The following ZNF704 variants were observed in gnomAD, a reference collection of about 807,000 sequenced individuals.
ZNF704 encodes the protein zinc finger protein 704.
A neutral mutation model predicts 44.7 loss-of-function variants in ZNF704; 10 were observed. The observed-to-expected ratio is 0.22, with a 90% CI of 0.14 to 0.38. The LOEUF (loss-of-function observed/expected upper bound fraction) is 0.38, where lower values mean the gene tolerates loss of function less well. Ranked by LOEUF, ZNF704 falls within the 10% of genes least tolerant of loss-of-function variation. The pLI, the probability that ZNF704 is intolerant of heterozygous loss-of-function variation, is 1.00. For missense variants in ZNF704, 390 were observed against 545.5 expected, an observed-to-expected ratio of 0.71 and a Z score of 2.84; for synonymous variants, 211 against 207.6, an observed-to-expected ratio of 1.02 and a Z score of -0.14.
intron 2 of ZNF704, among the ~76,000 whole-genome samples, chr8:80,807,585 C>T (rs1006459065): frequency 6.6e-6 from 1 of 151,890 alleles, no homozygotes; most frequent in Non-Finnish European, 1.5e-5. Flanking sequence ...AAAAAGTGTT[C>T]AATATATGCG....
At chr8:80,842,728 T>C (rs1187773710) in intron 1 of ZNF704, among the ~76,000 whole-genome samples, 1 of 152,214 alleles carries the variant, frequency 6.6e-6, no homozygotes, top group African/African-American at 2.4e-5. Flanking sequence ...CTGACATCCA[T>C]ATCATCCTAT....
chr8:80,672,381 T>C (rs907453198), intron 4 of ZNF704, among the ~76,000 whole-genome samples: 5 of 152,172 alleles, frequency 3.3e-5, no homozygotes, highest in African/African-American at 7.2e-5. Flanking sequence ...GAACTAAAAA[T>C]AGAAGTACCA....
rs568049967 is a variant in ZNF704, at chr8:80,649,886, C to T, written c.1033-6757G>A. 1.7e-4 allele frequency among the ~76,000 whole-genome samples: 26 copies of T among 152,314 alleles called. No homozygotes were observed. The East Asian group carries it at 1.7e-3, about 10-fold the overall frequency. Reference sequence around the variant, plus strand: ...CCTCCTCAAGTGGGTCCATGACCCCCGAGTAGCCTAACTGGGAGGCATCCC... The same window carrying T: ...CCTCCTCAAGTGGGTCCATGACCCCTGAGTAGCCTAACTGGGAGGCATCCC... On this transcript the variant is annotated intron_variant, in intron 7 of 8. Transcript: ENST00000327835.
At chr8:80,833,620 A>C (rs1264503129) in intron 1 of ZNF704, among the ~76,000 whole-genome samples, 1 of 152,210 alleles carries the variant, frequency 6.6e-6, no homozygotes, top group Non-Finnish European at 1.5e-5. Flanking sequence ...AGCCCTCTGA[A>C]ACCAATGAAG....
intron 2 of ZNF704, among the ~76,000 whole-genome samples, chr8:80,773,536 T>TTAG (rs761595184): frequency 6.6e-6 from 1 of 152,216 alleles, no homozygotes. Context: ...TATATTTACA[T>TTAG]GTTTTTGCTT....
At chr8:80,765,705 T>G (rs1586011878) in intron 2 of ZNF704, among the ~76,000 whole-genome samples, 1 of 152,314 alleles carries the variant, frequency 6.6e-6, no homozygotes, top group South Asian at 2.1e-4. Flanking sequence ...TTTAGGGATT[T>G]TGACCTTTTG....
chr8:80,706,616 G>C (rs538070092), intron 2 of ZNF704, among the ~76,000 whole-genome samples: 9 of 152,284 alleles, frequency 5.9e-5, no homozygotes, highest in African/African-American at 2.2e-4. Context: ...ATCCTAGCTT[G>C]TGTGCCACAA....
At chr8:80,738,208 G>A (rs1343827318) in intron 2 of ZNF704, among the ~76,000 whole-genome samples, 1 of 152,124 alleles carries the variant, frequency 6.6e-6, no homozygotes, top group Non-Finnish European at 1.5e-5. Context: ...TGGTCAAAGA[G>A]TTATCTACCA....
intron 1 of ZNF704, among the ~76,000 whole-genome samples, chr8:80,829,325 T>C (rs976267353): frequency 1.1e-4 from 17 of 152,148 alleles, no homozygotes; most frequent in African/African-American, 3.6e-4. Flanking sequence ...GGAGAGTTTT[T>C]CACTTCTCCA....
intron 2 of ZNF704, among the ~76,000 whole-genome samples, chr8:80,703,597 C>A (rs528405795): frequency 6.6e-6 from 1 of 152,152 alleles, no homozygotes; most frequent in African/African-American, 2.4e-5. Context: ...GCCTCAGCCT[C>A]CTGAGTGGTT....
intron 2 of ZNF704, among the ~76,000 whole-genome samples, chr8:80,809,317 C>CA (rs753369299): frequency 1.9e-4 from 29 of 152,306 alleles, no homozygotes; most frequent in Middle Eastern, 3.4e-3. Flanking sequence ...AAAACTCTCA[C>CA]ATCCTGCAGA....
chr8:80,650,997 G>C (rs1817908435), intron 7 of ZNF704, among the ~76,000 whole-genome samples: 1 of 152,208 alleles, frequency 6.6e-6, no homozygotes, highest in South Asian at 2.1e-4. Context: ...CCAGAAGAGA[G>C]TGGGGGCCAA....
upstream of ZNF704, among the ~76,000 whole-genome samples, chr8:80,878,829 GT>G (rs112935509): frequency 2.6e-4 from 38 of 147,788 alleles, no homozygotes; most frequent in Admixed American, 6.7e-4. Flanking sequence ...AAAGACTTAG[GT>G]TTTTTTTTTA....
intron 7 of ZNF704, among the ~76,000 whole-genome samples, chr8:80,647,477 T>G (rs970254890): frequency 3.9e-5 from 6 of 152,206 alleles, no homozygotes; most frequent in Admixed American, 2.6e-4. Context: ...GTAAGACATC[T>G]GATTAATGCT....
At chr8:80,806,401 T>A (rs1292198704) in intron 2 of ZNF704, among the ~76,000 whole-genome samples, 1 of 152,206 alleles carries the variant, frequency 6.6e-6, no homozygotes, top group Non-Finnish European at 1.5e-5. Context: ...GGATGCCTGG[T>A]ATGTTTTACA....
At chr8:80,691,845 C>T (rs906081830) in intron 3 of ZNF704, among the ~76,000 whole-genome samples, 7 of 152,138 alleles carry the variant, frequency 4.6e-5, no homozygotes, top group African/African-American at 9.7e-5. Context: ...TCTTCCTGTG[C>T]GTCTGTCACC....
chr8:80,792,357 C>G (rs1490890133), intron 2 of ZNF704, among the ~76,000 whole-genome samples: 1 of 152,174 alleles, frequency 6.6e-6, no homozygotes, highest in Non-Finnish European at 1.5e-5. Flanking sequence ...TCAGGTTTAA[C>G]ACTTGGAAAT....
intron 4 of ZNF704, among the ~76,000 whole-genome samples, chr8:80,677,710 T>C (rs1818392588): frequency 6.6e-6 from 1 of 152,234 alleles, no homozygotes; most frequent in Non-Finnish European, 1.5e-5. Flanking sequence ...CTATATTCTA[T>C]CCCAGTGCCT....
At chr8:80,867,265 C>T (rs1236079705) in intron 1 of ZNF704, among the ~76,000 whole-genome samples, 3 of 152,190 alleles carry the variant, frequency 2.0e-5, no homozygotes, top group Non-Finnish European at 2.9e-5. Context: ...ATGTTAAGTC[C>T]ACCTCTAGCT....
Sources: gnomAD v4.1 joint callset for allele counts (sites outside exome capture counted in the v4.1 genomes callset) on GRCh38, gnomAD v4.1.1 for gene constraint, MANE v1.5 for transcripts, NCBI Gene and HGNC (gene_info 2026-07-23, HGNC 2026-07-21) for gene names.